The following MVB12B variants were observed in gnomAD, a reference collection of about 807,000 sequenced individuals.
MVB12B encodes the protein multivesicular body subunit 12B.
In MVB12B, 16 loss-of-function variants were observed where a neutral mutation model predicts 41.6. That is an observed-to-expected ratio of 0.38 (90% confidence interval 0.26 to 0.58). The LOEUF is 0.58. Among genes scored for constraint, MVB12B ranks in the 20% least tolerant of loss-of-function variants. The pLI is 0.62. For missense variants in MVB12B, 274 were observed against 380.2 expected, an observed-to-expected ratio of 0.72 and a Z score of 2.32; for synonymous variants, 133 against 139.7, an observed-to-expected ratio of 0.95 and a Z score of 0.34.
chr9:126,332,503 G>A (rs1313147683), intron 1 of MVB12B, among the ~76,000 whole-genome samples: 2 of 152,214 alleles, frequency 1.3e-5, no homozygotes, highest in East Asian at 3.9e-4. Flanking sequence ...CAGCCTGGCT[G>A]CACTGAGTTA....
intron 7 of MVB12B, among the ~76,000 whole-genome samples, chr9:126,443,889 G>A (rs1016281634): frequency 1.3e-5 from 2 of 152,210 alleles, no homozygotes; most frequent in African/African-American, 4.8e-5. Context: ...CCTCCCCATC[G>A]CCAGTCCCTG....
intron 2 of MVB12B, among the ~76,000 whole-genome samples, chr9:126,377,334 C>T (rs568729221): frequency 6.6e-6 from 1 of 152,296 alleles, no homozygotes; most frequent in East Asian, 1.9e-4. Flanking sequence ...CTGTAACAGA[C>T]TCTGAAGGTT....
chr9:126,418,379 T>C (rs1831889390), intron 6 of MVB12B, among the ~76,000 whole-genome samples: 1 of 152,210 alleles, frequency 6.6e-6, no homozygotes. Context: ...ATTGCTCATA[T>C]ATTTCTTTTA....
chr9:126,412,994 T>C (rs1831695668), intron 6 of MVB12B, among the ~76,000 whole-genome samples: 2 of 152,210 alleles, frequency 1.3e-5, no homozygotes, highest in Non-Finnish European at 2.9e-5. Flanking sequence ...CCTCCTCTTA[T>C]TGATGGTCAT....
rs1834001720 is a variant in MVB12B at position 126,503,295 on chromosome 9, G to GC, written c.*34dup. On this transcript the variant is annotated 3_prime_UTR_variant, in exon 10 of 10. Transcript: ENST00000361171. Reference sequence around the variant, plus strand: ...AGCGGCCACCTGCGGGGAGACCACCGCCGCCCAGACTACTGACGGCAGGGG... The same window carrying GC: ...AGCGGCCACCTGCGGGGAGACCACCGCCCGCCCAGACTACTGACGGCAGGGG... 1 of 1,530,122 alleles carries GC rather than the reference G, an allele frequency of 6.5e-7. No homozygotes were observed. The highest frequency in any genetic ancestry group is 1.4e-5 in the African/African-American group (1 of 72,766). The allele number at this position is 1,530,122 out of a possible 1,614,324, so 94.8% of individuals were successfully genotyped here. A position where few individuals can be genotyped will look rare whatever the true frequency, so the allele number is the denominator to read the frequency against.
chr9:126,397,685 C>G, intron 6 of MVB12B: 1 of 974,886 alleles, frequency 1.0e-6, no homozygotes, highest in Non-Finnish European at 1.2e-6. Context: ...CTATGTAAGC[C>G]TCATCCATCA....
chr9:126,494,069 G>A (rs182920377), intron 9 of MVB12B, among the ~76,000 whole-genome samples: 10 of 152,030 alleles, frequency 6.6e-5, no homozygotes, highest in Admixed American at 4.6e-4. Context: ...ATAGTGCTGC[G>A]TTTTGACTTG....
intron 7 of MVB12B, among the ~76,000 whole-genome samples, chr9:126,469,660 A>G (rs1833272523): frequency 6.6e-6 from 1 of 152,154 alleles, no homozygotes; most frequent in South Asian, 2.1e-4. Context: ...GGTCGCTACT[A>G]GTGGTAACGT....
intron 6 of MVB12B, among the ~76,000 whole-genome samples, chr9:126,417,050 T>C (rs568732628): frequency 1.6e-4 from 25 of 152,352 alleles, no homozygotes; most frequent in African/African-American, 5.8e-4. Context: ...TGTGCCTTTC[T>C]GTCCTGTCCC....
chr9:126,484,034 TAAGC>T lies in MVB12B; in HGVS notation c.873+7_873+10del. On this transcript the variant is annotated splice_donor_5th_base_variant and intron_variant, in intron 9 of 9. Transcript: ENST00000361171. ...TCTCTAGCAGAAATCGAAAAAGAGG[TAAGC>T]AAGCCATCAGGGGAGGGGAGGGCAG... 6.2e-7 allele frequency: 1 copy of T among 1,613,788 alleles called. No homozygotes were observed. The highest frequency in any genetic ancestry group is 8.5e-7 in the Non-Finnish European group (1 of 1,179,936).
intron 7 of MVB12B, among the ~76,000 whole-genome samples, chr9:126,471,546 A>C (rs1374038597): frequency 6.6e-6 from 1 of 152,236 alleles, no homozygotes; most frequent in Admixed American, 6.5e-5. Context: ...CACTGAGCAG[A>C]CAGCTCTGGA....
chr9:126,480,176 C>G lies in MVB12B; in HGVS notation c.758-1193C>G, dbSNP rs992716198. Reference sequence around the variant, plus strand: ...ACCACAATTTACTGCATAGCCACCACCTCAGGGTGCGGCCACCCCTGACTT... The same window carrying G: ...ACCACAATTTACTGCATAGCCACCAGCTCAGGGTGCGGCCACCCCTGACTT... On this transcript the variant is annotated intron_variant, in intron 7 of 9. Coordinates refer to ENST00000361171, the MANE Select transcript of MVB12B (RefSeq NM_033446.3). The surrounding 1 kb of genome is among the most constrained non-coding windows in gnomAD (Gnocchi z 4.9). Among the ~76,000 whole-genome samples the G allele has an allele frequency of 1.2e-4, 18 of 152,210 alleles. No homozygotes were observed. The highest frequency in any genetic ancestry group is 4.1e-4 in the African/African-American group (17 of 41,446).
chr9:126,427,108 A>G (rs1832202299), intron 7 of MVB12B: 1 of 152,098 alleles, frequency 6.6e-6, no homozygotes, highest in South Asian at 2.1e-4. Flanking sequence ...AATATTTACC[A>G]CCTTGCGGGG....
At chr9:126,328,623 G>A (rs1320926032) in intron 1 of MVB12B, among the ~76,000 whole-genome samples, 4 of 152,154 alleles carry the variant, frequency 2.6e-5, no homozygotes, top group Non-Finnish European at 4.4e-5. Flanking sequence ...GGATTATGGC[G>A]TGATGTAAAT....
chr9:126,352,818 T>C (rs1294630301), intron 2 of MVB12B, among the ~76,000 whole-genome samples: 1 of 152,234 alleles, frequency 6.6e-6, no homozygotes, highest in African/African-American at 2.4e-5. Context: ...AGAGAATCTG[T>C]TTATTTCTAA....
intron 6 of MVB12B, among the ~76,000 whole-genome samples, chr9:126,405,316 G>A (rs760838693): frequency 2.6e-5 from 4 of 152,134 alleles, no homozygotes; most frequent in Non-Finnish European, 2.9e-5. Context: ...CAGCTCGCGA[G>A]TGCACGAGGG....
rs553876519 is a variant in MVB12B at position 126,473,027 on chromosome 9, C to G, written c.758-8342C>G. ...GGCCTAGTACTGAAAGGAAACCTGC[C>G]CCAGCACATGGCTTTTGGTAAGAGC... On this transcript the variant is annotated intron_variant, in intron 7 of 9. Transcript: ENST00000361171. This position sits in a 1 kb window ranked among gnomAD's most constrained non-coding sequence, Gnocchi z 4.0. Among the ~76,000 whole-genome samples, 29 of 152,208 alleles carry G rather than the reference C, an allele frequency of 1.9e-4. 1 individual carries two copies. The highest frequency in any genetic ancestry group is 1.8e-3 in the Admixed American group (27 of 15,300).
chr9:126,469,305 G>T (rs1449286926), intron 7 of MVB12B, among the ~76,000 whole-genome samples: 1 of 152,256 alleles, frequency 6.6e-6, no homozygotes, highest in Non-Finnish European at 1.5e-5. Flanking sequence ...TCTGAGAAGG[G>T]TCCAGGGATC....
intron 7 of MVB12B, among the ~76,000 whole-genome samples, chr9:126,476,671 T>C (rs1833427536): frequency 1.3e-5 from 2 of 151,836 alleles, no homozygotes; most frequent in Admixed American, 1.3e-4. Context: ...GGTCAGGAGA[T>C]CGAGACCATC....
Sources: allele counts gnomAD v4.1 joint callset (sites outside exome capture counted in the v4.1 genomes callset), GRCh38; gene constraint gnomAD v4.1.1; non-coding constraint Gnocchi (gnomAD v3.1); transcripts MANE v1.5; gene names NCBI Gene and HGNC (gene_info 2026-07-23, HGNC 2026-07-21).